OSBPL1A: variants seen among roughly 807,000 people sequenced by gnomAD.
OSBPL1A encodes the protein oxysterol binding protein like 1A, also known as oxysterol-binding protein-related protein 1.
A neutral mutation model predicts 137.1 loss-of-function variants in OSBPL1A; 80 were observed. That is an observed-to-expected ratio of 0.58 (90% CI 0.49 to 0.70). The LOEUF (loss-of-function observed/expected upper bound fraction) is 0.70, where lower values mean the gene tolerates loss of function less well. Among genes scored for constraint, OSBPL1A ranks in the 30% least tolerant of loss-of-function variants. The probability of loss-of-function intolerance (pLI) is 0.00; values close to 1 mark genes in which losing one functional copy is unlikely to be tolerated. For synonymous variants in OSBPL1A, 365 were observed against 389.7 expected, an observed-to-expected ratio of 0.94 and a Z score of 0.75; for missense variants, 970 against 1,129.4, an observed-to-expected ratio of 0.86 and a Z score of 2.02.
intron 1 of OSBPL1A, among the ~76,000 whole-genome samples, chr18:24,394,905 G>A (rs899623527): frequency 7.9e-5 from 12 of 152,114 alleles, no homozygotes; most frequent in South Asian, 2.1e-4. Flanking sequence ...CCTAGTAATA[G>A]CATTAAAACT....
At chr18:24,191,135 GTGTATTTCCCA>G (rs564223621) in intron 18 of OSBPL1A, among the ~76,000 whole-genome samples, 313 of 152,276 alleles carry the variant, frequency 2.1e-3, no homozygotes, top group Non-Finnish European at 3.8e-3. Context: ...AGCTTCTCTG[GTGTATTTCCCA>G]GAGGCCAAGA....
chr18:24,218,737 C>T (rs1009142102), intron 17 of OSBPL1A, among the ~76,000 whole-genome samples: 9 of 152,082 alleles, frequency 5.9e-5, no homozygotes, highest in African/African-American at 1.9e-4. Flanking sequence ...TGAGCCACTG[C>T]GCCTGGCCCA....
chr18:24,382,268 G>A (rs978521544), intron 1 of OSBPL1A, among the ~76,000 whole-genome samples: 15 of 151,006 alleles, frequency 9.9e-5, no homozygotes, highest in Non-Finnish European at 1.6e-4. Context: ...TTAGCCAGGC[G>A]TGGTGGCAGG....
intron 15 of OSBPL1A, among the ~76,000 whole-genome samples, chr18:24,248,000 A>C (rs2088954451): frequency 6.6e-6 from 1 of 152,056 alleles, no homozygotes; most frequent in Non-Finnish European, 1.5e-5. Context: ...AGAGGGGAGA[A>C]TTGCTGGAAT....
chr18:24,347,269 C>T (rs1356635201), intron 4 of OSBPL1A, among the ~76,000 whole-genome samples: 4 of 152,080 alleles, frequency 2.6e-5, no homozygotes, highest in African/African-American at 9.7e-5. Flanking sequence ...CTCTGCTTCC[C>T]AGCTTCAAGC....
intron 16 of OSBPL1A, among the ~76,000 whole-genome samples, chr18:24,230,392 G>T (rs1378166301): frequency 6.6e-6 from 1 of 152,084 alleles, no homozygotes; most frequent in East Asian, 1.9e-4. Context: ...CACTCAAAAA[G>T]GGTCACGTTG....
chr18:24,358,242 T>G, intron 4 of OSBPL1A: 1 of 510,106 alleles, frequency 2.0e-6, no homozygotes, highest in Non-Finnish European at 3.4e-6. Flanking sequence ...GGGATGAGGG[T>G]TTCCAGAGTA....
At chr18:24,348,881 C>T (rs1225773766) in intron 4 of OSBPL1A, among the ~76,000 whole-genome samples, 1 of 152,122 alleles carries the variant, frequency 6.6e-6, no homozygotes, top group Non-Finnish European at 1.5e-5. Flanking sequence ...GTAAGTTTCA[C>T]TCATGGTCAG....
At chr18:24,173,144 G>A (rs2086333066) in intron 21 of OSBPL1A, among the ~76,000 whole-genome samples, 1 of 152,108 alleles carries the variant, frequency 6.6e-6, no homozygotes, top group African/African-American at 2.4e-5. Flanking sequence ...AACTAACGCA[G>A]GAACAGAAAA....
intron 3 of OSBPL1A, chr18:24,367,939 TTTTA>T (rs953474653): frequency 2.6e-4 from 43 of 162,370 alleles, no homozygotes; most frequent in African/African-American, 9.6e-4. Flanking sequence ...TCTTTTTAAT[TTTTA>T]TTTGTGTATT....
At chr18:24,201,760 T>TAAA (rs1298405162) in intron 17 of OSBPL1A, among the ~76,000 whole-genome samples, 1 of 142,988 alleles carries the variant, frequency 7.0e-6, no homozygotes, top group Non-Finnish European at 1.5e-5. Flanking sequence ...AAGAGTCCAT[T>TAAA]AAAAAAAAAA....
chr18:24,273,020 C>A (rs1448556483), intron 15 of OSBPL1A, among the ~76,000 whole-genome samples: 2 of 152,110 alleles, frequency 1.3e-5, no homozygotes, highest in African/African-American at 4.8e-5. Context: ...ATTCTCGTGC[C>A]CCAGCTTCCT....
At chr18:24,365,025 C>CAAAAAAA (rs56400717) in intron 4 of OSBPL1A, among the ~76,000 whole-genome samples, 96 of 89,194 alleles carry the variant, frequency 1.1e-3, no homozygotes, top group South Asian at 1.6e-3. Context: ...AAAACAACAA[C>CAAAAAAA]AAAAAAAAAA....
chr18:24,377,495 G>C lies in OSBPL1A; in HGVS notation c.39C>G (p.Ala13=), dbSNP rs1032194875. Residue 13 remains alanine (A), a synonymous_variant, in exon 2 of 28, where the codon GCC becomes GCG. Coordinates refer to ENST00000319481, the MANE Select transcript of OSBPL1A (RefSeq NM_080597.4). ...TTACTTCTTCAGCATTGCCATTTCT[G>C]GCGTGATGGAGAAGCTGTTGCTCCG... ...TEAEQQLLHH[A]RNGNAEEVRQ... 12 of 1,611,224 alleles carry C rather than the reference G, an allele frequency of 7.4e-6. No individual in the cohort carries two copies. The African/African-American group carries it at 1.5e-4, about 20-fold the overall frequency.
chr18:24,280,041 G>C (rs932273441), intron 15 of OSBPL1A, among the ~76,000 whole-genome samples: 2 of 152,114 alleles, frequency 1.3e-5, no homozygotes, highest in African/African-American at 4.8e-5. Context: ...CTGCCTCCCA[G>C]GCTCAAGTGA....
chr18:24,314,376 C>T, intron 11 of OSBPL1A, 29 bp from the exon 12 acceptor site: 1 of 1,462,988 alleles, frequency 6.8e-7, no homozygotes, highest in East Asian at 2.3e-5. Context: ...AGTAAGACAA[C>T]ATTCATTCAC....
intron 16 of OSBPL1A, among the ~76,000 whole-genome samples, chr18:24,238,108 C>T (rs1018145182): frequency 1.3e-5 from 2 of 152,140 alleles, no homozygotes; most frequent in Non-Finnish European, 2.9e-5. Flanking sequence ...TACTGTATTA[C>T]CATACCATTT....
chr18:24,242,710 A>G (rs1367344220), intron 15 of OSBPL1A, among the ~76,000 whole-genome samples: 1 of 152,238 alleles, frequency 6.6e-6, no homozygotes, highest in Non-Finnish European at 1.5e-5. Flanking sequence ...TCAATACAGC[A>G]GGCAGATTAT....
intron 15 of OSBPL1A, among the ~76,000 whole-genome samples, chr18:24,274,311 C>T (rs747705994): frequency 6.6e-6 from 1 of 151,966 alleles, no homozygotes; most frequent in Non-Finnish European, 1.5e-5. Context: ...AGCCAGTTCC[C>T]ATGATCCTGG....
Sources: gnomAD v4.1 joint callset for allele counts (sites outside exome capture counted in the v4.1 genomes callset) on GRCh38, gnomAD v4.1.1 for gene constraint, MANE v1.5 for transcripts, NCBI Gene and HGNC (gene_info 2026-07-23, HGNC 2026-07-21) for gene names.